CCDC18: variants seen among roughly 807,000 people sequenced by gnomAD.
CCDC18 encodes the protein coiled-coil domain-containing protein 18.
In CCDC18, 157 loss-of-function variants were observed where a neutral mutation model predicts 196.0. That is an observed-to-expected ratio of 0.80 (90% confidence interval 0.70 to 0.91). The LOEUF is 0.91. Among genes scored for constraint, CCDC18 ranks in the 40% least tolerant of loss-of-function variants. The pLI is 0.00. For synonymous variants in CCDC18, 482 were observed against 529.2 expected (o/e 0.91, Z 1.22); for missense variants, 1,465 against 1,611.6 (o/e 0.91, Z 1.56).
chr1:93,190,317 G>A (rs1474787645), intron 4 of CCDC18, among the ~76,000 whole-genome samples: 1 of 152,076 alleles, frequency 6.6e-6, no homozygotes, highest in Non-Finnish European at 1.5e-5. Context: ...GTGAAACCCC[G>A]TCTCTACTAA....
At chr1:93,260,308 T>C (rs1176102551) in intron 26 of CCDC18, among the ~76,000 whole-genome samples, 1 of 152,148 alleles carries the variant, frequency 6.6e-6, no homozygotes, top group African/African-American at 2.4e-5. Context: ...TGCTTGAACC[T>C]GGGAGGCAGA....
At chr1:93,227,735 C>T (rs888346375) in intron 17 of CCDC18, among the ~76,000 whole-genome samples, 1 of 151,910 alleles carries the variant, frequency 6.6e-6, no homozygotes, top group East Asian at 1.9e-4. Context: ...GGGTGGATCA[C>T]TTGAGGCCGG....
At chr1:93,186,590 T>C in intron 4 of CCDC18, 87 bp downstream of exon 4, 1 of 1,044,804 alleles carries the variant, frequency 9.6e-7, no homozygotes, top group East Asian at 2.5e-5. Flanking sequence ...TATTGCCACA[T>C]TGCCTTAATG....
chr1:93,199,343 G>A (rs1164677021), intron 6 of CCDC18, among the ~76,000 whole-genome samples: 1 of 152,198 alleles, frequency 6.6e-6, no homozygotes. Flanking sequence ...AGCTCCAGGC[G>A]CCAGCACGGG....
At chr1:93,233,212 C>G (rs1181287707) in intron 18 of CCDC18, among the ~76,000 whole-genome samples, 1 of 152,018 alleles carries the variant, frequency 6.6e-6, no homozygotes, top group East Asian at 1.9e-4. Flanking sequence ...TGTGATATTC[C>G]TTAAAGAAAT....
In CCDC18 at chr1:93,181,159, T is replaced by TAAAAAAAAAAAAAAAAAAA. The variant is rs71094239; in HGVS notation, c.-3+324_-3+325insAAAAAAAAAAAAAAAAAAA. Reference sequence around the variant, plus strand: ...TGGCGAGCCACTGTCTCTATAAAATTAAAAAAAAAAAAAAAAAGAGGAAAC... The same window carrying TAAAAAAAAAAAAAAAAAAA: ...TGGCGAGCCACTGTCTCTATAAAATTAAAAAAAAAAAAAAAAAAAAAAAAAAAAAAAAAAAAGAGGAAAC... On this transcript the variant is annotated intron_variant, in intron 1 of 28. Transcript: ENST00000690025. Among the ~76,000 whole-genome samples the TAAAAAAAAAAAAAAAAAAA allele has an allele frequency of 2.2e-5, 2 of 89,858 alleles. 1 individual carries two copies. 59.0% of individuals were successfully genotyped at this position (89,858 alleles called of 152,430 possible). A position where few individuals can be genotyped will look rare whatever the true frequency, so the allele number is the denominator to read the frequency against.
chr1:93,234,927 C>T (rs1377864192), intron 18 of CCDC18, among the ~76,000 whole-genome samples: 1 of 109,096 alleles, frequency 9.2e-6, no homozygotes, highest in Non-Finnish European at 1.9e-5. Flanking sequence ...ACCACCATGC[C>T]CAGCTAAGAG....
intron 17 of CCDC18, among the ~76,000 whole-genome samples, chr1:93,227,968 A>AT (rs1250572428): frequency 0.019 from 2,381 of 122,142 alleles, 66 homozygotes; most frequent in African/African-American, 0.086. Flanking sequence ...AAAAAAAAAA[A>AT]AAAATATATA....
At chr1:93,225,295 G>A (rs774095288) in intron 16 of CCDC18, among the ~76,000 whole-genome samples, 5 of 152,186 alleles carry the variant, frequency 3.3e-5, no homozygotes, top group Non-Finnish European at 5.9e-5. Context: ...CGCCTTGAAC[G>A]AAAAGTACCA....
chr1:93,235,669 TAAAA>T (rs993870653), intron 18 of CCDC18, among the ~76,000 whole-genome samples: 11 of 151,918 alleles, frequency 7.2e-5, no homozygotes, highest in African/African-American at 2.4e-4. Flanking sequence ...ATGCTAATAT[TAAAA>T]AAACAGTAGA....
At chr1:93,232,008 T>G (rs1469392160) in intron 17 of CCDC18, among the ~76,000 whole-genome samples, 1 of 152,164 alleles carries the variant, frequency 6.6e-6, no homozygotes, top group Non-Finnish European at 1.5e-5. Context: ...AGCAGTAAAA[T>G]GTGGCAATAT....
chr1:93,220,088 G>A (rs959929737), intron 14 of CCDC18, among the ~76,000 whole-genome samples: 3 of 152,088 alleles, frequency 2.0e-5, no homozygotes, highest in Admixed American at 1.3e-4. Context: ...ACTACTTCTA[G>A]ACACATCAAA....
At chr1:93,223,896 TTTATACAC>T (rs753889488) in intron 16 of CCDC18, among the ~76,000 whole-genome samples, 9,891 of 123,992 alleles carry the variant, frequency 0.08, 348 homozygotes, top group Admixed American at 0.096. Flanking sequence ...ATTTCATTTA[TTTATACAC>T]ACACACACAC....
intron 25 of CCDC18, 67 bp downstream of exon 25, chr1:93,256,605 G>C: frequency 8.0e-7 from 1 of 1,252,422 alleles, no homozygotes; most frequent in Non-Finnish European, 1.1e-6. Context: ...TTTTTGAACT[G>C]TAGAATATAG....
intron 28 of CCDC18, among the ~76,000 whole-genome samples, chr1:93,274,237 TA>T (rs1243907704): frequency 1.3e-5 from 2 of 151,936 alleles, no homozygotes; most frequent in Non-Finnish European, 2.9e-5. Flanking sequence ...ACCCCATCTC[TA>T]CTAAAAACAC....
chr1:93,197,414 GATGATAC>G (rs1332163815), intron 6 of CCDC18, among the ~76,000 whole-genome samples: 1 of 152,054 alleles, frequency 6.6e-6, no homozygotes, highest in African/African-American at 2.4e-5. Flanking sequence ...TCATTTTAAA[GATGATAC>G]ATTTGAAAAC....
At chr1:93,207,000 T>C in intron 8 of CCDC18, 107 bp from the exon 9 acceptor site, 1 of 610,096 alleles carries the variant, frequency 1.6e-6, no homozygotes, top group Non-Finnish European at 2.7e-6. Context: ...GAGCAGGTAT[T>C]ATTTTAGAAT....
chr1:93,186,267 C>T, intron 3 of CCDC18, 78 bp from the exon 4 acceptor site: 1 of 1,311,176 alleles, frequency 7.6e-7, no homozygotes. Context: ...TTAATAATTG[C>T]TCATAATTTT....
chr1:93,195,220 T>A (rs1652526504), intron 6 of CCDC18, among the ~76,000 whole-genome samples: 3 of 152,124 alleles, frequency 2.0e-5, no homozygotes. Context: ...ACAGACACAT[T>A]CTGGGCAGCA....
Sources: gnomAD v4.1 joint callset for allele counts (sites outside exome capture counted in the v4.1 genomes callset) on GRCh38, gnomAD v4.1.1 for gene constraint, MANE v1.5 for transcripts, NCBI Gene and HGNC (gene_info 2026-07-23, HGNC 2026-07-21) for gene names.